SGCG: variants seen among roughly 807,000 people sequenced by gnomAD.
The protein encoded by SGCG is sarcoglycan gamma.
A neutral mutation model predicts 29.3 loss-of-function variants in SGCG; 26 were observed. That is an observed-to-expected ratio of 0.89 (90% CI 0.65 to 1.23). SGCG has a LOEUF of 1.23. Among genes scored for constraint, SGCG ranks in the 50% most tolerant of loss-of-function variants. The probability of loss-of-function intolerance (pLI) is 0.00; values close to 1 mark genes in which losing one functional copy is unlikely to be tolerated. For synonymous variants in SGCG, 145 were observed against 129.7 expected (o/e 1.12, Z -0.80); for missense variants, 353 against 356.0 (o/e 0.99, Z 0.07).
At chr13:23,227,686 A>G (rs1007546694) in intron 2 of SGCG, among the ~76,000 whole-genome samples, 1 of 152,212 alleles carries the variant, frequency 6.6e-6, no homozygotes, top group Non-Finnish European at 1.5e-5. Flanking sequence ...TACATACTGC[A>G]TCACCATCTA....
chr13:23,231,854 C>T (rs773238911), intron 2 of SGCG, among the ~76,000 whole-genome samples: 4 of 152,144 alleles, frequency 2.6e-5, no homozygotes, highest in Non-Finnish European at 5.9e-5. Flanking sequence ...CACGGTGGCT[C>T]ACACCTGTAA....
rs775787536 is a variant in SGCG at position 23,279,405 on chromosome 13, C to G, written c.432C>G (p.Ser144=). The G allele has an allele frequency of 1.2e-6, 2 of 1,613,240 alleles. No individual in the cohort carries two copies. The highest frequency in any genetic ancestry group is 8.5e-7 in the Non-Finnish European group (1 of 1,179,398). Residue 144 remains serine (S), a synonymous_variant, in exon 5 of 8, where the codon TCC becomes TCG. Coordinates refer to ENST00000218867, the MANE Select transcript of SGCG (RefSeq NM_000231.3). The part of the protein sequence containing the change: ...EVQNQQFQIN[S]NDGKPLFTVD... ...AGAATCAACAGTTTCAGATCAACTC[C>G]AACGACGGCAAGCCACTATTTACTG... is the stretch of plus-strand genomic sequence containing the variant.
intron 3 of SGCG, among the ~76,000 whole-genome samples, chr13:23,236,595 G>A (rs1023295897): frequency 1.2e-4 from 18 of 151,966 alleles, no homozygotes; most frequent in African/African-American, 2.7e-4. Context: ...GGAGAATGGC[G>A]TGAACCTGGA....
At chr13:23,274,657 C>T (rs562675302) in intron 4 of SGCG, among the ~76,000 whole-genome samples, 3 of 152,074 alleles carry the variant, frequency 2.0e-5, no homozygotes, top group East Asian at 1.9e-4. Flanking sequence ...CTCCTGACCT[C>T]GTGATCCACC....
chr13:23,259,197 A>G (rs1880325519), intron 4 of SGCG, among the ~76,000 whole-genome samples: 1 of 152,040 alleles, frequency 6.6e-6, no homozygotes, highest in Non-Finnish European at 1.5e-5. Flanking sequence ...TTGGTAGGCT[A>G]TTAATTATTG....
At chr13:23,209,227 G>A (rs1878103663) in intron 2 of SGCG, among the ~76,000 whole-genome samples, 1 of 152,098 alleles carries the variant, frequency 6.6e-6, no homozygotes, top group African/African-American at 2.4e-5. Flanking sequence ...GTGGTAATAA[G>A]TTACATTGCC....
intron 2 of SGCG, among the ~76,000 whole-genome samples, chr13:23,212,687 G>A (rs941381407): frequency 6.6e-6 from 1 of 152,168 alleles, no homozygotes; most frequent in Non-Finnish European, 1.5e-5. Flanking sequence ...ATATGAGGGA[G>A]TGAGAAGAGA....
chr13:23,174,076 G>A, the SGCG span, among the ~76,000 whole-genome samples: 394 of 152,276 alleles, frequency 2.6e-3, 4 homozygotes, highest in Admixed American at 5.8e-3. Flanking sequence ...GACACCAAAA[G>A]TGTCAGACAA....
the SGCG span, among the ~76,000 whole-genome samples, chr13:23,169,430 C>T: frequency 6.6e-6 from 1 of 151,604 alleles, no homozygotes; most frequent in East Asian, 1.9e-4. Context: ...CCTGTAATCC[C>T]AGCACTTTGG....
At chr13:23,223,531 C>G (rs1878768609) in intron 2 of SGCG, among the ~76,000 whole-genome samples, 1 of 151,932 alleles carries the variant, frequency 6.6e-6, no homozygotes, top group South Asian at 2.1e-4. Context: ...ATATTAGATT[C>G]TATTATTTTA....
intron 7 of SGCG, among the ~76,000 whole-genome samples, chr13:23,322,173 C>T (rs1883062384): frequency 6.6e-6 from 1 of 152,174 alleles, no homozygotes; most frequent in African/African-American, 2.4e-5. Context: ...AGAGTGAGTG[C>T]AGTGAGTGAC....
At chr13:23,236,540 T>C (rs1270010124) in intron 3 of SGCG, among the ~76,000 whole-genome samples, 1 of 151,856 alleles carries the variant, frequency 6.6e-6, no homozygotes, top group Non-Finnish European at 1.5e-5. Context: ...CAGCCGGGCG[T>C]GGTGGCGGGC....
chr13:23,283,680 C>T (rs143560751), intron 5 of SGCG, among the ~76,000 whole-genome samples: 2 of 152,150 alleles, frequency 1.3e-5, no homozygotes, highest in Non-Finnish European at 2.9e-5. Flanking sequence ...ATCATTTTAC[C>T]CATTAGTTGA....
At chr13:23,228,831 T>C (rs1269048769) in intron 2 of SGCG, among the ~76,000 whole-genome samples, 2 of 152,180 alleles carry the variant, frequency 1.3e-5, no homozygotes, top group African/African-American at 2.4e-5. Flanking sequence ...TAGTATTCCA[T>C]AGTGTATATG....
In SGCG at chr13:23,325,131, G is replaced by A. The variant is rs1305106367; in HGVS notation, c.*590G>A. On this transcript the variant is annotated 3_prime_UTR_variant, in exon 8 of 8. Coordinates refer to ENST00000218867, the MANE Select transcript of SGCG (RefSeq NM_000231.3). ...CTCAAAATTAAACTTTCTGTATATA[G>A]TCAATAAGCAATAAAAACCTCATTT... The A allele has an allele frequency of 6.4e-6, 1 of 156,720 alleles. No homozygotes were observed. The highest frequency in any genetic ancestry group is 6.1e-5 in the Admixed American group (1 of 16,322). 9.7% of individuals were successfully genotyped at this position (156,720 alleles called of 1,614,324 possible). A position where few individuals can be genotyped will look rare whatever the true frequency, so the allele number is the denominator to read the frequency against.
Position 23,221,940 on chromosome 13 carries a change from G to A in SGCG, c.196-12671G>A, listed in dbSNP as rs563216116. ...AAGCCATCGGAGACTTTTAAAGAGG[G>A]AAATAACTTGTTCGATTAGTTTTCA... On this transcript the variant is annotated intron_variant, in intron 2 of 7. Transcript: ENST00000218867. Among the ~76,000 whole-genome samples, 20 of 152,308 alleles carry A rather than the reference G, an allele frequency of 1.3e-4. No individual in the cohort carries two copies. In the East Asian group the frequency reaches 3.7e-3, roughly 28 times the overall value.
intron 5 of SGCG, among the ~76,000 whole-genome samples, chr13:23,286,196 G>A (rs1476264713): frequency 2.0e-5 from 3 of 152,164 alleles, no homozygotes; most frequent in Non-Finnish European, 4.4e-5. Flanking sequence ...ACAAAGATCT[G>A]TAGCCACTGG....
chr13:23,239,450 A>C (rs1033266498), intron 3 of SGCG, among the ~76,000 whole-genome samples: 4 of 152,208 alleles, frequency 2.6e-5, no homozygotes, highest in African/African-American at 9.6e-5. Flanking sequence ...TTACTTCAGC[A>C]GACTAGCACC....
chr13:23,216,893 G>C (rs773530178), intron 2 of SGCG, among the ~76,000 whole-genome samples: 4 of 152,070 alleles, frequency 2.6e-5, no homozygotes, highest in Admixed American at 6.6e-5. Context: ...TTGATCATCT[G>C]GTCTGGGTTC....
Sources: allele counts gnomAD v4.1 joint callset (sites outside exome capture counted in the v4.1 genomes callset), GRCh38; gene constraint gnomAD v4.1.1; transcripts MANE v1.5; gene names NCBI Gene and HGNC (gene_info 2026-07-23, HGNC 2026-07-21).